C1orf21: variants seen among roughly 807,000 people sequenced by gnomAD.
The protein encoded by C1orf21 is chromosome 1 open reading frame 21.
In C1orf21, 3 loss-of-function variants were observed where a neutral mutation model predicts 18.7. That is an observed-to-expected ratio of 0.16 (90% CI 0.07 to 0.42). C1orf21 has a LOEUF of 0.42. Ranked by LOEUF, C1orf21 falls within the 10% of genes least tolerant of loss-of-function variation. C1orf21 has a pLI of 0.99. For synonymous variants in C1orf21, 41 were observed against 46.4 expected (o/e 0.88, Z 0.47); for missense variants, 104 against 143.6 (o/e 0.72, Z 1.41).
intron 1 of C1orf21, among the ~76,000 whole-genome samples, chr1:184,427,402 G>C (rs916563854): frequency 6.6e-6 from 1 of 152,134 alleles, no homozygotes; most frequent in Non-Finnish European, 1.5e-5. Context: ...TCTCAGAGAG[G>C]CTTGGAGGTC....
intron 1 of C1orf21, among the ~76,000 whole-genome samples, chr1:184,441,825 A>G (rs1656952816): frequency 6.6e-6 from 1 of 152,236 alleles, no homozygotes; most frequent in South Asian, 2.1e-4. Context: ...AGAAAATTTG[A>G]CAATAATTAA....
intron 1 of C1orf21, among the ~76,000 whole-genome samples, chr1:184,470,293 G>T (rs763086080): frequency 6.6e-6 from 1 of 152,072 alleles, no homozygotes; most frequent in Non-Finnish European, 1.5e-5. Flanking sequence ...CAGAGTACAC[G>T]CAGAATATCA....
At chr1:184,465,695 A>T (rs191568073) in intron 1 of C1orf21, among the ~76,000 whole-genome samples, 1 of 152,150 alleles carries the variant, frequency 6.6e-6, no homozygotes, top group Non-Finnish European at 1.5e-5. Flanking sequence ...GGGCCACCCA[A>T]TGGAGGGCTC....
intron 3 of C1orf21, among the ~76,000 whole-genome samples, chr1:184,559,273 C>T (rs923749851): frequency 5.3e-5 from 8 of 151,884 alleles, no homozygotes; most frequent in African/African-American, 1.9e-4. Context: ...CCTCCTCCCA[C>T]CCCCACTCTC....
At chr1:184,439,985 A>G (rs1365346848) in intron 1 of C1orf21, among the ~76,000 whole-genome samples, 1 of 152,232 alleles carries the variant, frequency 6.6e-6, no homozygotes, top group Non-Finnish European at 1.5e-5. Flanking sequence ...TTTTCCAAAG[A>G]CACTGAACCC....
intron 1 of C1orf21, among the ~76,000 whole-genome samples, chr1:184,424,069 A>G (rs1019780345): frequency 6.6e-6 from 1 of 152,148 alleles, no homozygotes; most frequent in African/African-American, 2.4e-5. Flanking sequence ...CCTTGGATTG[A>G]GTGAAATCTC....
intron 3 of C1orf21, among the ~76,000 whole-genome samples, chr1:184,537,891 C>T (rs1019805008): frequency 5.9e-5 from 9 of 152,202 alleles, no homozygotes; most frequent in South Asian, 2.1e-4. Context: ...TCAGGTGATC[C>T]GCCCACCTCG....
intron 3 of C1orf21, chr1:184,567,057 A>G (rs1659044884): frequency 2.8e-5 from 14 of 497,732 alleles, no homozygotes; most frequent in Admixed American, 2.1e-4. Context: ...CAGTCTAACC[A>G]TCTGAAAAAC....
At chr1:184,427,806 C>A (rs986675801) in intron 1 of C1orf21, among the ~76,000 whole-genome samples, 1 of 152,136 alleles carries the variant, frequency 6.6e-6, no homozygotes, top group African/African-American at 2.4e-5. Flanking sequence ...GGTTATCTTT[C>A]TTCTCCTCCC....
chr1:184,580,658 A>G lies in C1orf21; in HGVS notation c.190-10081A>G, dbSNP rs534670314. 2.0e-5 allele frequency among the ~76,000 whole-genome samples: 3 copies of G among 152,234 alleles called. No individual in the cohort carries two copies. The South Asian group carries it at 6.2e-4, about 32-fold the overall frequency. ...ACGTTGTCCCCATAAACTTTTCAACAAGCATCAATGATTTCACCATTCTTC... is the reference window on the plus strand; with the variant it reads ...ACGTTGTCCCCATAAACTTTTCAACGAGCATCAATGATTTCACCATTCTTC... On this transcript the variant is annotated intron_variant, in intron 3 of 5. Transcript: ENST00000235307.
intron 5 of C1orf21, among the ~76,000 whole-genome samples, chr1:184,613,343 C>T (rs1659768943): frequency 6.6e-6 from 1 of 152,132 alleles, no homozygotes; most frequent in Non-Finnish European, 1.5e-5. Flanking sequence ...ACAAATCCCC[C>T]ATGGATAAGC....
At chr1:184,442,722 A>G (rs978527148) in intron 1 of C1orf21, among the ~76,000 whole-genome samples, 1 of 152,220 alleles carries the variant, frequency 6.6e-6, no homozygotes, top group Admixed American at 6.5e-5. Context: ...GATTGCTAGG[A>G]CTAAAGCTCT....
chr1:184,566,416 C>T (rs1156747816), intron 3 of C1orf21: 1 of 160,590 alleles, frequency 6.2e-6, no homozygotes, highest in Non-Finnish European at 1.4e-5. Context: ...ACATGTCGGA[C>T]AGCTGCCGTG....
intron 3 of C1orf21, among the ~76,000 whole-genome samples, chr1:184,578,713 C>T (rs978249315): frequency 5.9e-5 from 9 of 152,010 alleles, no homozygotes; most frequent in Non-Finnish European, 1.3e-4. Flanking sequence ...GAAGAGGAGA[C>T]CTCTGTGATT....
At chr1:184,527,651 G>A (rs951513352) in intron 3 of C1orf21, among the ~76,000 whole-genome samples, 1 of 152,124 alleles carries the variant, frequency 6.6e-6, no homozygotes, top group Admixed American at 6.5e-5. Context: ...AACAAAATGG[G>A]ACACGCTGTC....
chr1:184,602,459 A>G (rs1306248585), intron 5 of C1orf21, among the ~76,000 whole-genome samples: 2 of 152,222 alleles, frequency 1.3e-5, no homozygotes, highest in South Asian at 2.1e-4. Context: ...TTACTCTGCT[A>G]TCTAACCATC....
intron 3 of C1orf21, among the ~76,000 whole-genome samples, chr1:184,584,386 C>T (rs548251869): frequency 3.0e-4 from 46 of 152,176 alleles, no homozygotes; most frequent in African/African-American, 1.1e-3. Context: ...CTACACACTA[C>T]CTAGAATGAC....
intron 1 of C1orf21, among the ~76,000 whole-genome samples, chr1:184,450,073 T>C (rs972631271): frequency 2.6e-5 from 4 of 152,152 alleles, no homozygotes; most frequent in African/African-American, 7.2e-5. Context: ...CCAGGTGTTA[T>C]GAGTCAGTTG....
chr1:184,422,666 C>A (rs1429007223), intron 1 of C1orf21, among the ~76,000 whole-genome samples: 1 of 152,152 alleles, frequency 6.6e-6, no homozygotes, highest in East Asian at 1.9e-4. Flanking sequence ...ATTCAGCATG[C>A]GGTAGATAAT....
Sources: allele counts gnomAD v4.1 joint callset (sites outside exome capture counted in the v4.1 genomes callset), GRCh38; gene constraint gnomAD v4.1.1; transcripts MANE v1.5; gene names NCBI Gene and HGNC (gene_info 2026-07-23, HGNC 2026-07-21).